The following SETDB2 variants were observed in gnomAD, a reference collection of about 807,000 sequenced individuals.
The protein encoded by SETDB2 is histone-lysine N-methyltransferase SETDB2.
SETDB2 carries 56 observed loss-of-function variants against 82.5 expected under a neutral mutation model. The observed-to-expected ratio is 0.68, with a 90% CI of 0.55 to 0.85. The LOEUF is 0.85. Among genes scored for constraint, SETDB2 ranks in the 40% least tolerant of loss-of-function variants. The pLI is 0.00. For synonymous variants in SETDB2, 272 were observed against 284.9 expected, an observed-to-expected ratio of 0.95 and a Z score of 0.46; for missense variants, 677 against 816.4, an observed-to-expected ratio of 0.83 and a Z score of 2.08.
intron 5 of SETDB2, among the ~76,000 whole-genome samples, chr13:49,473,737 C>T (rs949188002): frequency 2.0e-5 from 3 of 151,860 alleles, no homozygotes; most frequent in African/African-American, 7.3e-5. Flanking sequence ...TAACCTATAT[C>T]AAAACAAAGA....
At chr13:49,470,966 C>CTTTCTT (rs10695231) in intron 5 of SETDB2, among the ~76,000 whole-genome samples, 7,554 of 80,218 alleles carry the variant, frequency 0.094, 652 homozygotes, top group African/African-American at 0.14. Context: ...TTCTTTCTTT[C>CTTTCTT]TTTTTTTTTT....
chr13:49,457,525 C>A (rs1237719684), intron 2 of SETDB2, among the ~76,000 whole-genome samples: 1 of 151,416 alleles, frequency 6.6e-6, no homozygotes, highest in Non-Finnish European at 1.5e-5. Context: ...CCTCCGCCTC[C>A]TAGGTTCAAG....
rs1958770423 is a variant in SETDB2 at position 49,494,581 on chromosome 13, A to AC, written c.*2732_*2733insC. 1 of 152,180 alleles carries AC rather than the reference A, an allele frequency of 6.6e-6. No individual in the cohort carries two copies. Among genetic ancestry groups the AC allele is most frequent in the African/African-American group, 2.4e-5 (1 of 41,430 alleles). 9.4% of individuals were successfully genotyped at this position (152,180 alleles called of 1,614,324 possible). A position where few individuals can be genotyped will look rare whatever the true frequency, so the allele number is the denominator to read the frequency against. ...GGAACACCCTAATGTCAGTCTCTTT[A>AC]TAAAGGGCCTTTCATTTTGGCCTGG... On this transcript the variant is annotated 3_prime_UTR_variant, in exon 14 of 14. Transcript: ENST00000611815.
intron 2 of SETDB2, among the ~76,000 whole-genome samples, chr13:49,459,538 AT>A (rs1170435945): frequency 6.6e-6 from 1 of 152,114 alleles, no homozygotes; most frequent in African/African-American, 2.4e-5. Context: ...TTTTTCTTAT[AT>A]TTTCAATTTT....
chr13:49,465,980 G>A (rs542612876), intron 4 of SETDB2, among the ~76,000 whole-genome samples: 19 of 152,148 alleles, frequency 1.2e-4, no homozygotes, highest in Non-Finnish European at 2.8e-4. Context: ...CAGAGGTGTT[G>A]AACAGGATTA....
intron 1 of SETDB2, among the ~76,000 whole-genome samples, chr13:49,451,150 T>G (rs2138815219): frequency 6.6e-6 from 1 of 151,608 alleles, no homozygotes; most frequent in East Asian, 1.9e-4. Context: ...AACTACATTC[T>G]GAAAGAATAA....
intron 1 of SETDB2, among the ~76,000 whole-genome samples, chr13:49,447,379 T>A (rs188988832): frequency 1.3e-5 from 2 of 152,278 alleles, no homozygotes; most frequent in East Asian, 3.9e-4. Flanking sequence ...CCTCTTTTTA[T>A]CTTACTGAAT....
chr13:49,453,483 G>T (rs1228253145), intron 2 of SETDB2, among the ~76,000 whole-genome samples: 2 of 151,852 alleles, frequency 1.3e-5, no homozygotes, highest in African/African-American at 2.4e-5. Flanking sequence ...TTTTAGTAGA[G>T]ATGGGGGTTT....
rs765647716 is a variant in SETDB2, at chr13:49,476,464, T to G, written c.306-12T>G. On this transcript the variant is annotated splice_polypyrimidine_tract_variant and intron_variant, in intron 5 of 13. Coordinates refer to ENST00000611815, the MANE Select transcript of SETDB2 (RefSeq NM_001160308.3). ...TAAATTTGAGATACTAATGAATAAT[T>G]TATTTTAACAGAACAACAGAAAATA... is the stretch of plus-strand genomic sequence containing the variant. 1.3e-5 allele frequency: 20 copies of G among 1,505,234 alleles called. No homozygotes were observed. Among genetic ancestry groups the G allele is most frequent in the Non-Finnish European group, 1.5e-5 (17 of 1,112,964 alleles). The allele number at this position is 1,505,234 out of a possible 1,614,324, so 93.2% of individuals were successfully genotyped here.
intron 6 of SETDB2, among the ~76,000 whole-genome samples, chr13:49,479,599 C>T (rs534753033): frequency 6.6e-6 from 1 of 152,238 alleles, no homozygotes; most frequent in Non-Finnish European, 1.5e-5. Flanking sequence ...ACCAGCTCAC[C>T]AGCAGTCATT....
chr13:49,494,956 C>G lies in SETDB2; in HGVS notation c.*3107C>G, dbSNP rs1030126935. On this transcript the variant is annotated 3_prime_UTR_variant, in exon 14 of 14. Coordinates refer to ENST00000611815, the MANE Select transcript of SETDB2 (RefSeq NM_001160308.3). ...ACTGAAAACCTCATCTTGTATGGTG[C>G]TCTGTACCCTATGGGTGCTAAATAA... 13 of 152,006 alleles carry G rather than the reference C, an allele frequency of 8.6e-5. No individual in the cohort carries two copies. Among genetic ancestry groups the G allele is most frequent in the African/African-American group, 2.9e-4 (12 of 41,396 alleles). 9.4% of individuals were successfully genotyped at this position (152,006 alleles called of 1,614,324 possible).
chr13:49,485,938 AT>A, intron 11 of SETDB2: 1 of 646,928 alleles, frequency 1.5e-6, no homozygotes, highest in Non-Finnish European at 2.8e-6. Context: ...TAAGAATGAT[AT>A]TTATGTTTTT....
intron 6 of SETDB2, 133 bp from the exon 7 acceptor site, chr13:49,480,086 A>T (rs751716135): frequency 5.1e-6 from 3 of 592,004 alleles, no homozygotes; most frequent in Non-Finnish European, 6.0e-6. Flanking sequence ...GAAAAAGCTG[A>T]TAGTGTTCAT....
intron 1 of SETDB2, among the ~76,000 whole-genome samples, chr13:49,449,543 G>C (rs1426989646): frequency 6.6e-6 from 1 of 151,976 alleles, no homozygotes; most frequent in Non-Finnish European, 1.5e-5. Context: ...TTTTAATTGA[G>C]GTTAGCCCCA....
intron 2 of SETDB2, among the ~76,000 whole-genome samples, chr13:49,457,547 C>A (rs935030228): frequency 4.6e-5 from 7 of 151,614 alleles, no homozygotes; most frequent in African/African-American, 1.5e-4. Flanking sequence ...AATTCTCATG[C>A]CTCAGCCTCC....
rs1958722699 is a variant in SETDB2 at position 49,492,003 on chromosome 13, A to G, written c.*154A>G. 1.4e-6 allele frequency: 1 copy of G among 709,590 alleles called. No homozygotes were observed. Among genetic ancestry groups the G allele is most frequent in the Admixed American group, 1.9e-5 (1 of 52,392 alleles). 44.0% of individuals were successfully genotyped at this position (709,590 alleles called of 1,614,324 possible). On this transcript the variant is annotated 3_prime_UTR_variant, in exon 14 of 14. Coordinates refer to ENST00000611815, the MANE Select transcript of SETDB2 (RefSeq NM_001160308.3). ...CAGATTTTATTTGTGTGACTTAGAAATTCCAGGAACACAATTAGGATATTT... is the reference window on the plus strand; with the variant it reads ...CAGATTTTATTTGTGTGACTTAGAAGTTCCAGGAACACAATTAGGATATTT...
chr13:49,453,410 C>A (rs1957819453), intron 2 of SETDB2, among the ~76,000 whole-genome samples: 2 of 151,920 alleles, frequency 1.3e-5, no homozygotes, highest in South Asian at 4.2e-4. Context: ...AATTCTCTTG[C>A]CTCAGCCTCC....
In SETDB2 at chr13:49,494,424, G is replaced by A. The variant is rs1047803613; in HGVS notation, c.*2575G>A. 2 of 152,032 alleles carry A rather than the reference G, an allele frequency of 1.3e-5. No individual in the cohort carries two copies. The highest frequency in any genetic ancestry group is 1.5e-5 in the Non-Finnish European group (1 of 68,014). The allele number at this position is 152,032 out of a possible 1,614,324, so 9.4% of individuals were successfully genotyped here. A position where few individuals can be genotyped will look rare whatever the true frequency, so the allele number is the denominator to read the frequency against. ...TTTGTTTTGGTCGTTCACATTATAG[G>A]CTTTCCTCAGAGTTAATGGTCTTGG... is the stretch of plus-strand genomic sequence containing the variant. On this transcript the variant is annotated 3_prime_UTR_variant, in exon 14 of 14. Coordinates refer to ENST00000611815, the MANE Select transcript of SETDB2 (RefSeq NM_001160308.3).
Position 49,483,012 on chromosome 13 carries a change from A to G in SETDB2, c.1382+50A>G, listed in dbSNP as rs377107089. 3.3e-4 allele frequency: 388 copies of G among 1,172,910 alleles called. 7 individuals are homozygous for G. Among genetic ancestry groups the G allele is most frequent in the Middle Eastern group, 3.3e-3 (16 of 4,922 alleles). The allele number at this position is 1,172,910 out of a possible 1,614,324, so 72.7% of individuals were successfully genotyped here. A position where few individuals can be genotyped will look rare whatever the true frequency, so the allele number is the denominator to read the frequency against. ...AGTAAATCTAAATTATTATCAATCA[A>G]TTGGTTCTTTTTCATTCCTTCCCCT... On this transcript the variant is annotated intron_variant, in intron 9 of 13. Transcript: ENST00000611815.
Sources: gnomAD v4.1 joint callset for allele counts (sites outside exome capture counted in the v4.1 genomes callset) on GRCh38, gnomAD v4.1.1 for gene constraint, MANE v1.5 for transcripts, NCBI Gene and HGNC (gene_info 2026-07-23, HGNC 2026-07-21) for gene names.